NFATC1: variants seen among roughly 807,000 people sequenced by gnomAD.
NFATC1 encodes the protein nuclear factor of activated T-cells, cytoplasmic 1.
NFATC1 carries 22 observed loss-of-function variants against 76.0 expected under a neutral mutation model. The ratio of observed to expected loss-of-function variants is 0.29; its 90% CI spans 0.21 to 0.41. The LOEUF is 0.41. NFATC1 is among the 10% of genes least tolerant of loss of function. The probability of loss-of-function intolerance (pLI) is 1.00; values close to 1 mark genes in which losing one functional copy is unlikely to be tolerated. For missense variants in NFATC1, 1,357 were observed against 1,337.7 expected (o/e 1.01, Z -0.23); for synonymous variants, 704 against 613.1 (o/e 1.15, Z -2.19).
At chr18:79,495,212 G>A (rs564039005) in intron 9 of NFATC1, among the ~76,000 whole-genome samples, 4 of 152,352 alleles carry the variant, frequency 2.6e-5, no homozygotes, top group South Asian at 2.1e-4. Flanking sequence ...CAGTGCCTCC[G>A]TCCTTCCCTG....
chr18:79,477,846 G>A (rs969879068), intron 8 of NFATC1, among the ~76,000 whole-genome samples: 1 of 152,182 alleles, frequency 6.6e-6, no homozygotes, highest in Non-Finnish European at 1.5e-5. Flanking sequence ...ATCCTCACAT[G>A]GCAGGACAGG....
intron 9 of NFATC1, chr18:79,527,309 G>A (rs540428178): frequency 2.6e-5 from 14 of 538,974 alleles, no homozygotes; most frequent in Admixed American, 9.4e-5. Flanking sequence ...TGCTACGGAC[G>A]AGGGCGGTCA....
At chr18:79,498,853 C>T (rs1319842846) in intron 9 of NFATC1, among the ~76,000 whole-genome samples, 1 of 152,202 alleles carries the variant, frequency 6.6e-6, no homozygotes, top group East Asian at 1.9e-4. Flanking sequence ...TGTCGGAGGA[C>T]AGTGGGACGG....
intron 1 of NFATC1, among the ~76,000 whole-genome samples, chr18:79,401,526 C>T (rs537236900): frequency 5.3e-5 from 8 of 152,366 alleles, no homozygotes; most frequent in Non-Finnish European, 7.3e-5. Flanking sequence ...GAGAGAGACC[C>T]GCCGGAGGCC....
chr18:79,455,217 G>A (rs2087640426), intron 6 of NFATC1, among the ~76,000 whole-genome samples: 1 of 152,198 alleles, frequency 6.6e-6, no homozygotes, highest in South Asian at 2.1e-4. Context: ...CTGTTTTGGT[G>A]TCGCTGCGCG....
intron 4 of NFATC1, among the ~76,000 whole-genome samples, chr18:79,450,645 T>G (rs932837235): frequency 7.9e-5 from 12 of 151,662 alleles, no homozygotes. Flanking sequence ...CTGGACCCGC[T>G]TGGTCAGGGG....
chr18:79,484,124 G>T (rs73496373), intron 8 of NFATC1, among the ~76,000 whole-genome samples: 6,488 of 152,056 alleles, frequency 0.043, 429 homozygotes, highest in African/African-American at 0.15. Context: ...ACGAGGCGGG[G>T]GGAGCACACC....
chr18:79,436,334 A>G (rs761393837), intron 3 of NFATC1, among the ~76,000 whole-genome samples: 2 of 152,226 alleles, frequency 1.3e-5, no homozygotes, highest in African/African-American at 4.8e-5. Context: ...AGTTTCCTGC[A>G]TTTGAGAAAT....
At chr18:79,426,275 G>A (rs1306358156) in intron 2 of NFATC1, among the ~76,000 whole-genome samples, 4 of 150,914 alleles carry the variant, frequency 2.7e-5, no homozygotes, top group Non-Finnish European at 5.9e-5. Context: ...CAGCGCAGAC[G>A]GCATCTCTGT....
chr18:79,494,303 A>G (rs1429663186), intron 9 of NFATC1, among the ~76,000 whole-genome samples: 1 of 141,894 alleles, frequency 7.0e-6, no homozygotes, highest in Non-Finnish European at 1.5e-5. Context: ...GAGAGCGGGC[A>G]CACGCCCCCC....
intron 9 of NFATC1, among the ~76,000 whole-genome samples, chr18:79,495,133 A>G (rs550403003): frequency 2.0e-5 from 3 of 152,396 alleles, no homozygotes; most frequent in South Asian, 2.1e-4. Context: ...TAGGGGCTGC[A>G]TGGGCTGTGC....
intron 8 of NFATC1, among the ~76,000 whole-genome samples, chr18:79,473,968 C>G (rs900495742): frequency 6.8e-6 from 1 of 146,858 alleles, no homozygotes; most frequent in East Asian, 2.1e-4. Context: ...CGTGTTCTCG[C>G]GCTCACTGTC....
chr18:79,475,682 A>T (rs776096801), intron 8 of NFATC1, among the ~76,000 whole-genome samples: 7 of 152,228 alleles, frequency 4.6e-5, no homozygotes, highest in Non-Finnish European at 1.0e-4. Context: ...ATTCTCTCTC[A>T]CATGCTGTGG....
chr18:79,473,967 G>A lies in NFATC1; in HGVS notation c.2092+6385G>A, dbSNP rs866005015. On this transcript the variant is annotated intron_variant, in intron 8 of 9. Coordinates refer to ENST00000427363, the MANE Select transcript of NFATC1 (RefSeq NM_001278669.2). ...GTAAACCTGAGGGAAGCGTGTTCTC[G>A]CGCTCACTGTCGACGTTGCGAGGGA... Among the ~76,000 whole-genome samples the A allele has an allele frequency of 5.0e-3, 633 of 127,762 alleles. 10 individuals are homozygous for A. Among genetic ancestry groups the A allele is most frequent in the Non-Finnish European group, 6.8e-3 (429 of 62,702 alleles). The allele number at this position is 127,762 out of a possible 152,430, so 83.8% of individuals were successfully genotyped here. A position where few individuals can be genotyped will look rare whatever the true frequency, so the allele number is the denominator to read the frequency against.
intron 4 of NFATC1, among the ~76,000 whole-genome samples, chr18:79,449,538 A>G (rs58471143): frequency 0.15 from 23,132 of 152,288 alleles, 2,030 homozygotes; most frequent in East Asian, 0.38. Flanking sequence ...AAGGCAGCCG[A>G]GGAGGAGGAC....
intron 2 of NFATC1, among the ~76,000 whole-genome samples, chr18:79,424,214 AC>A (rs1246236876): frequency 6.6e-6 from 1 of 152,192 alleles, no homozygotes; most frequent in Non-Finnish European, 1.5e-5. Context: ...CCGCACTATC[AC>A]CGAGAAACGC....
At chr18:79,402,401 C>T (rs2085298081) in intron 1 of NFATC1, 1 of 985,190 alleles carries the variant, frequency 1.0e-6, no homozygotes, top group African/African-American at 1.7e-5. Flanking sequence ...ACAGTCCTCC[C>T]CGGCACCCAC....
intron 2 of NFATC1, among the ~76,000 whole-genome samples, chr18:79,417,655 C>G (rs866564324): frequency 7.0e-3 from 14 of 1,986 alleles, no homozygotes; most frequent in Admixed American, 0.013. Context: ...GATGGGAGAT[C>G]GGCTGTGGTG....
At chr18:79,466,257 C>T (rs898691332) in intron 7 of NFATC1, among the ~76,000 whole-genome samples, 15 of 152,196 alleles carry the variant, frequency 9.9e-5, no homozygotes, top group African/African-American at 3.6e-4. Context: ...AAGTTAGGTG[C>T]TGAGCTATAA....
Sources: gnomAD v4.1 joint callset for allele counts (sites outside exome capture counted in the v4.1 genomes callset) on GRCh38, gnomAD v4.1.1 for gene constraint, MANE v1.5 for transcripts, NCBI Gene and HGNC (gene_info 2026-07-23, HGNC 2026-07-21) for gene names.